The following GRIA4 variants were observed in gnomAD, a reference collection of about 807,000 sequenced individuals.
GRIA4 encodes the protein glutamate ionotropic receptor AMPA type subunit 4, also known as glutamate receptor 4.
GRIA4 carries 34 observed loss-of-function variants against 104.0 expected under a neutral mutation model. The observed-to-expected ratio is 0.33, with a 90% confidence interval of 0.25 to 0.44. The LOEUF is 0.44. Ranked by LOEUF, GRIA4 falls within the 20% of genes least tolerant of loss-of-function variation. GRIA4 has a pLI of 1.00. For synonymous variants in GRIA4, 386 were observed against 381.9 expected (o/e 1.01, Z -0.13); for missense variants, 750 against 1,096.5 (o/e 0.68, Z 4.46).
chr11:105,783,239 C>T (rs1825874913), intron 4 of GRIA4, among the ~76,000 whole-genome samples: 1 of 152,164 alleles, frequency 6.6e-6, no homozygotes, highest in Non-Finnish European at 1.5e-5. Flanking sequence ...TGCATATTAG[C>T]TTTACCACTG....
intron 3 of GRIA4, among the ~76,000 whole-genome samples, chr11:105,693,508 G>A (rs1340707932): frequency 6.6e-6 from 1 of 152,144 alleles, no homozygotes; most frequent in Non-Finnish European, 1.5e-5. Flanking sequence ...ATATTCTAGA[G>A]AGATGCAGGA....
intron 3 of GRIA4, among the ~76,000 whole-genome samples, chr11:105,648,135 T>C (rs1273808613): frequency 1.3e-5 from 2 of 151,880 alleles, no homozygotes. Flanking sequence ...GATTAGAAGA[T>C]AAATGACATA....
chr11:105,783,951 C>A (rs1013126575), intron 4 of GRIA4, among the ~76,000 whole-genome samples: 1 of 152,176 alleles, frequency 6.6e-6, no homozygotes, highest in African/African-American at 2.4e-5. Flanking sequence ...TAAATGTAAC[C>A]GAATTATTAG....
rs141998041 is a variant in GRIA4 at position 105,734,909 on chromosome 11, T to A, written c.248-18072T>A. Among the ~76,000 whole-genome samples, 316 of 152,210 alleles carry A rather than the reference T, an allele frequency of 2.1e-3. 2 individuals are homozygous for A. The highest frequency in any genetic ancestry group is 7.0e-3 in the African/African-American group (291 of 41,528). ...CACATGTGAATTCTCTACTGGGGTG[T>A]CCCCCAGCACCTGGCAGTGTCTAAG... On this transcript the variant is annotated intron_variant, in intron 3 of 16. Transcript: ENST00000282499.
chr11:105,717,313 A>G (rs1371834796), intron 3 of GRIA4, among the ~76,000 whole-genome samples: 1 of 152,048 alleles, frequency 6.6e-6, no homozygotes, highest in Non-Finnish European at 1.5e-5. Flanking sequence ...TTGCCCTAAA[A>G]GCATAAAAAG....
intron 4 of GRIA4, among the ~76,000 whole-genome samples, chr11:105,854,051 C>G (rs944279267): frequency 2.0e-5 from 3 of 152,178 alleles, no homozygotes; most frequent in East Asian, 1.9e-4. Flanking sequence ...TTATCCAAAA[C>G]TATTTATCGA....
At chr11:105,889,103 A>G (rs1171075122) in intron 6 of GRIA4, among the ~76,000 whole-genome samples, 5 of 152,066 alleles carry the variant, frequency 3.3e-5, no homozygotes, top group Admixed American at 2.6e-4. Flanking sequence ...AATTGAGGGG[A>G]AAAAAATCAA....
chr11:105,840,602 T>C (rs1229884829), intron 4 of GRIA4, among the ~76,000 whole-genome samples: 1 of 152,210 alleles, frequency 6.6e-6, no homozygotes, highest in African/African-American at 2.4e-5. Flanking sequence ...CATGCTGTCA[T>C]AGACTTAAAA....
chr11:105,862,599 C>T (rs896888579), intron 5 of GRIA4: 1 of 172,816 alleles, frequency 5.8e-6, no homozygotes, highest in African/African-American at 2.4e-5. Context: ...TAGAGAAGTG[C>T]TACATGAGAA....
chr11:105,813,820 A>G (rs1443854878), intron 4 of GRIA4, among the ~76,000 whole-genome samples: 5 of 152,152 alleles, frequency 3.3e-5, no homozygotes, highest in Admixed American at 1.3e-4. Context: ...AACAAGATAG[A>G]CAATGACAGA....
At chr11:105,659,878 A>G (rs550667818) in intron 3 of GRIA4, among the ~76,000 whole-genome samples, 83 of 151,948 alleles carry the variant, frequency 5.5e-4, no homozygotes, top group African/African-American at 1.9e-3. Context: ...AAAAATTTCT[A>G]ACTAATATTC....
intron 13 of GRIA4, among the ~76,000 whole-genome samples, chr11:105,931,403 C>T (rs1190469214): frequency 2.0e-5 from 3 of 151,790 alleles, no homozygotes; most frequent in African/African-American, 4.8e-5. Flanking sequence ...TATTTATCAA[C>T]ATTTGAATAT....
intron 10 of GRIA4, chr11:105,912,970 CTG>C (rs1330091233): frequency 1.2e-4 from 121 of 969,692 alleles, no homozygotes; most frequent in Non-Finnish European, 1.4e-4. Context: ...AGAGTGAGCA[CTG>C]GATATAATTC....
chr11:105,945,972 A>G (rs1948297664), intron 14 of GRIA4, among the ~76,000 whole-genome samples: 1 of 152,222 alleles, frequency 6.6e-6, no homozygotes, highest in African/African-American at 2.4e-5. Flanking sequence ...ATATCATTTT[A>G]ATGATATATA....
At chr11:105,899,169 C>G (rs1460125161) in intron 7 of GRIA4, among the ~76,000 whole-genome samples, 1 of 152,108 alleles carries the variant, frequency 6.6e-6, no homozygotes, top group Non-Finnish European at 1.5e-5. Flanking sequence ...GGCTAGAGGG[C>G]CTCAGCTCTG....
intron 3 of GRIA4, among the ~76,000 whole-genome samples, chr11:105,648,931 A>G (rs1459202652): frequency 3.3e-5 from 5 of 152,202 alleles, no homozygotes; most frequent in African/African-American, 9.6e-5. Context: ...GGATTTTCTC[A>G]GGGTGACCTA....
intron 4 of GRIA4, among the ~76,000 whole-genome samples, chr11:105,812,510 T>C (rs1943216653): frequency 1.3e-5 from 2 of 152,176 alleles, no homozygotes; most frequent in Non-Finnish European, 2.9e-5. Context: ...AACATAACTT[T>C]TATGAACCAA....
At chr11:105,933,080 AT>A (rs34728006) in intron 13 of GRIA4, among the ~76,000 whole-genome samples, 34 of 127,262 alleles carry the variant, frequency 2.7e-4, no homozygotes, top group East Asian at 1.1e-3. Context: ...CTTTAAAAAA[AT>A]TTTTTTTTTA....
chr11:105,894,578 G>A (rs975751787), intron 6 of GRIA4, among the ~76,000 whole-genome samples: 5 of 152,006 alleles, frequency 3.3e-5, no homozygotes, highest in East Asian at 1.9e-4. Flanking sequence ...ATATTTTTTC[G>A]TAGATAGCCA....
Sources: gnomAD v4.1 joint callset for allele counts (sites outside exome capture counted in the v4.1 genomes callset) on GRCh38, gnomAD v4.1.1 for gene constraint, MANE v1.5 for transcripts, NCBI Gene and HGNC (gene_info 2026-07-23, HGNC 2026-07-21) for gene names.